PDE10A: variants seen among roughly 807,000 people sequenced by gnomAD.
PDE10A encodes phosphodiesterase 10A.
PDE10A carries 39 observed loss-of-function variants against 97.7 expected under a neutral mutation model. The ratio of observed to expected loss-of-function variants is 0.40; its 90% CI spans 0.31 to 0.52. The LOEUF is 0.52. Among genes scored for constraint, PDE10A ranks in the 20% least tolerant of loss-of-function variants. The pLI, the probability that PDE10A is intolerant of heterozygous loss-of-function variation, is 0.56. For missense variants in PDE10A, 731 were observed against 1,047.8 expected (o/e 0.70, Z 4.17); for synonymous variants, 371 against 376.8 (o/e 0.98, Z 0.18).
intron 1 of PDE10A, among the ~76,000 whole-genome samples, chr6:165,746,317 G>A (rs772949402): frequency 4.6e-5 from 7 of 152,212 alleles, no homozygotes; most frequent in Non-Finnish European, 8.8e-5. Flanking sequence ...ACACTTGCGT[G>A]GGGTACATTT....
intron 5 of PDE10A, among the ~76,000 whole-genome samples, chr6:165,445,760 G>A (rs1355709577): frequency 1.3e-5 from 2 of 152,104 alleles, no homozygotes; most frequent in African/African-American, 2.4e-5. Flanking sequence ...AAATGGTTTT[G>A]GATTGGTAGT....
chr6:165,877,567 C>T (rs774304526), intron 1 of PDE10A, among the ~76,000 whole-genome samples: 2 of 152,018 alleles, frequency 1.3e-5, no homozygotes, highest in South Asian at 2.1e-4. Flanking sequence ...CTTTTATATG[C>T]GTGTACAGCA....
At chr6:165,580,183 A>G (rs9348019) in intron 1 of PDE10A, among the ~76,000 whole-genome samples, 7,766 of 152,288 alleles carry the variant, frequency 0.051, 482 homozygotes, top group East Asian at 0.31. Context: ...ACATATTTAA[A>G]TTAATGAATG....
chr6:165,407,699 T>C (rs965124143), intron 13 of PDE10A, among the ~76,000 whole-genome samples: 2 of 152,218 alleles, frequency 1.3e-5, no homozygotes, highest in African/African-American at 4.8e-5. Context: ...TGTCTTTCTA[T>C]CCAAAATGTA....
intron 1 of PDE10A, among the ~76,000 whole-genome samples, chr6:165,915,268 A>G (rs1038450008): frequency 6.6e-6 from 1 of 152,230 alleles, no homozygotes; most frequent in Non-Finnish European, 1.5e-5. Flanking sequence ...GGACAAGGCA[A>G]CAGAAGGCTG....
At chr6:165,523,442 T>C (rs1055062744) in intron 2 of PDE10A, among the ~76,000 whole-genome samples, 1 of 151,900 alleles carries the variant, frequency 6.6e-6, no homozygotes, top group African/African-American at 2.4e-5. Context: ...ATGAATAGAA[T>C]AGAGAACCCT....
At chr6:165,592,690 T>A (rs1447127780) in intron 1 of PDE10A, among the ~76,000 whole-genome samples, 1 of 151,754 alleles carries the variant, frequency 6.6e-6, no homozygotes, top group Non-Finnish European at 1.5e-5. Context: ...AACAAACATA[T>A]GAAAAAAAAG....
At chr6:165,956,603 G>A (rs1263211115) in intron 1 of PDE10A, among the ~76,000 whole-genome samples, 1 of 152,196 alleles carries the variant, frequency 6.6e-6, no homozygotes, top group Admixed American at 6.5e-5. Flanking sequence ...AAGCAAATGT[G>A]AGAAATACTC....
chr6:165,680,631 C>T (rs1007137906), intron 1 of PDE10A, among the ~76,000 whole-genome samples: 2 of 152,172 alleles, frequency 1.3e-5, no homozygotes, highest in Non-Finnish European at 2.9e-5. Flanking sequence ...CAGCCAGGAG[C>T]GGGGGCTCAG....
intron 17 of PDE10A, among the ~76,000 whole-genome samples, chr6:165,383,426 T>C (rs1562404876): frequency 1.3e-5 from 2 of 152,202 alleles, no homozygotes; most frequent in Non-Finnish European, 2.9e-5. Context: ...CGTTCTTGGA[T>C]GTGACTGTCC....
chr6:165,816,147 C>T (rs901966359), intron 1 of PDE10A, among the ~76,000 whole-genome samples: 2 of 152,092 alleles, frequency 1.3e-5, no homozygotes, highest in African/African-American at 4.8e-5. Context: ...GACGGGGTTT[C>T]ACCGTGTTAG....
In PDE10A at chr6:165,829,457, A is replaced by T. The variant is rs144239452; in HGVS notation, c.-615+158072T>A. Reference sequence around the variant, plus strand: ...TAAATCAACCTTAATTGGTTCCAGCAGCAGCCTTGAGAAGCTTTCAGATTC... The same window carrying T: ...TAAATCAACCTTAATTGGTTCCAGCTGCAGCCTTGAGAAGCTTTCAGATTC... On this transcript the variant is annotated intron_variant, in intron 1 of 19. Coordinates refer to the PDE10A transcript ENST00000366882. Among the ~76,000 whole-genome samples, 1,218 of 152,380 alleles carry T rather than the reference A, an allele frequency of 8.0e-3. 6 individuals carry two copies. The highest frequency in any genetic ancestry group is 0.031 in the Middle Eastern group (9 of 294).
intron 5 of PDE10A, among the ~76,000 whole-genome samples, chr6:165,437,542 T>C (rs1055715418): frequency 2.6e-5 from 4 of 152,190 alleles, no homozygotes; most frequent in African/African-American, 7.2e-5. Context: ...AACTTCTCTA[T>C]GTAGTTAAAA....
intron 1 of PDE10A, among the ~76,000 whole-genome samples, chr6:165,560,860 T>C (rs1784486744): frequency 1.3e-5 from 2 of 152,192 alleles, no homozygotes; most frequent in East Asian, 3.9e-4. Context: ...TGGTGTCTAA[T>C]CGTTTAGCAC....
intron 1 of PDE10A, among the ~76,000 whole-genome samples, chr6:165,622,791 G>C (rs531951629): frequency 1.8e-4 from 27 of 152,272 alleles, no homozygotes; most frequent in African/African-American, 6.0e-4. Flanking sequence ...CTTGTGCTCT[G>C]CCTTTGACAG....
intron 13 of PDE10A, among the ~76,000 whole-genome samples, chr6:165,400,037 C>A (rs998042749): frequency 2.0e-5 from 3 of 152,116 alleles, no homozygotes; most frequent in African/African-American, 7.2e-5. Flanking sequence ...AGACGGTCAG[C>A]TGATTTTCAG....
intron 1 of PDE10A, among the ~76,000 whole-genome samples, chr6:165,707,622 G>T (rs2128445124): frequency 6.6e-6 from 1 of 152,154 alleles, no homozygotes; most frequent in Admixed American, 6.5e-5. Flanking sequence ...GCATGTGTGA[G>T]CATGTGTTGT....
intron 16 of PDE10A, among the ~76,000 whole-genome samples, chr6:165,391,253 G>A (rs1374905754): frequency 6.6e-6 from 1 of 151,894 alleles, no homozygotes; most frequent in Admixed American, 6.6e-5. Context: ...GTCATTTTGG[G>A]GATTATTTTT....
chr6:165,450,556 C>T (rs1387170573), intron 3 of PDE10A, among the ~76,000 whole-genome samples, 194 bp from the exon 4 acceptor site: 1 of 151,518 alleles, frequency 6.6e-6, no homozygotes, highest in African/African-American at 2.4e-5. Context: ...ATTGCTATGA[C>T]TATTTATTTA....
Sources: gnomAD v4.1 joint callset for allele counts (sites outside exome capture counted in the v4.1 genomes callset) on GRCh38, gnomAD v4.1.1 for gene constraint, MANE v1.5 for transcripts, NCBI Gene and HGNC (gene_info 2026-07-23, HGNC 2026-07-21) for gene names.